The following ARHGAP23 variants were observed in gnomAD, a reference collection of about 807,000 sequenced individuals.
ARHGAP23 encodes Rho GTPase activating protein 23.
In ARHGAP23, 34 loss-of-function variants were observed where a neutral mutation model predicts 136.3. The ratio of observed to expected loss-of-function variants is 0.25; its 90% confidence interval spans 0.19 to 0.33. The LOEUF (loss-of-function observed/expected upper bound fraction) is 0.33. Among genes scored for constraint, ARHGAP23 ranks in the 10% least tolerant of loss-of-function variants. The pLI, the probability that ARHGAP23 is intolerant of heterozygous loss-of-function variation, is 1.00. For synonymous variants in ARHGAP23, 832 were observed against 920.5 expected, an observed-to-expected ratio of 0.90 and a Z score of 1.74; for missense variants, 1,808 against 2,139.0, an observed-to-expected ratio of 0.85 and a Z score of 3.05.
At chr17:38,506,573 G>T (rs985406521) in intron 23 of ARHGAP23, among the ~76,000 whole-genome samples, 8 of 152,302 alleles carry the variant, frequency 5.3e-5, no homozygotes, top group Admixed American at 2.0e-4. Flanking sequence ...TCTGGTGAGG[G>T]TTCCCTGCCT....
At chr17:38,482,493 C>T (rs981247980) in intron 15 of ARHGAP23, 30 bp from the exon 16 acceptor site, 132 of 1,517,820 alleles carry the variant, frequency 8.7e-5, no homozygotes, top group Non-Finnish European at 1.1e-4. Context: ...GGCCCCTGTC[C>T]CCCCTAACAC....
At chr17:38,445,400 C>T (rs1484079773) in intron 1 of ARHGAP23, among the ~76,000 whole-genome samples, 1 of 151,278 alleles carries the variant, frequency 6.6e-6, no homozygotes, top group South Asian at 2.1e-4. Flanking sequence ...TCGCTTGAAC[C>T]GGGGAGGCAG....
chr17:38,497,545 G>A (rs563346317), intron 20 of ARHGAP23, among the ~76,000 whole-genome samples: 5 of 152,318 alleles, frequency 3.3e-5, no homozygotes, highest in South Asian at 4.1e-4. Context: ...ACTCCCTGCC[G>A]TGTCTCCTCC....
chr17:38,463,160 A>G lies in ARHGAP23; in HGVS notation c.392A>G (p.Lys131Arg). ...GTGAATGGGGAAAGCGTCATTGGGA[A>G]GACCTACTCTCAGGTCATAGCTCTG... ...VKVNGESVIG[K>R]TYSQVIALIQ... Residue 131 changes from lysine (K) to arginine (R), a missense_variant, in exon 5 of 24, where the codon AAG (lysine) becomes AGG (arginine). Transcript: ENST00000622683. 6.4e-7 allele frequency: 1 copy of G among 1,551,552 alleles called. No homozygotes were observed. Among genetic ancestry groups the G allele is most frequent in the Non-Finnish European group, 8.7e-7 (1 of 1,146,936 alleles).
At chr17:38,484,311 G>A (rs1329769100) in intron 16 of ARHGAP23, among the ~76,000 whole-genome samples, 1 of 152,142 alleles carries the variant, frequency 6.6e-6, no homozygotes, top group South Asian at 2.1e-4. Context: ...AGAAACCAGG[G>A]AGTGGGGCAG....
At chr17:38,456,828 T>A (rs887955215) in intron 1 of ARHGAP23, among the ~76,000 whole-genome samples, 1 of 152,168 alleles carries the variant, frequency 6.6e-6, no homozygotes, top group East Asian at 1.9e-4. Flanking sequence ...ACTCTTGTCT[T>A]CAGATACCCT....
chr17:38,429,370 C>A (rs8081341), intron 1 of ARHGAP23, among the ~76,000 whole-genome samples: 82,260 of 152,132 alleles, frequency 0.54, 24,714 homozygotes, highest in African/African-American at 0.82. Flanking sequence ...CTGCAGGAGC[C>A]CCCCAGCAGG....
chr17:38,457,538 G>A lies in ARHGAP23; in HGVS notation c.64-564G>A, dbSNP rs144494500. 2.2e-3 allele frequency: 356 copies of A among 162,044 alleles called. 1 individual carries two copies. Among genetic ancestry groups the A allele is most frequent in the Non-Finnish European group, 3.8e-3 (278 of 73,420 alleles). 10.0% of individuals were successfully genotyped at this position (162,044 alleles called of 1,614,324 possible). ...TGTGCATATCTATGTGTCTACAAAAGTGTGCACATGTGTACTCATTTGTGT... is the reference window on the plus strand; with the variant it reads ...TGTGCATATCTATGTGTCTACAAAAATGTGCACATGTGTACTCATTTGTGT... On this transcript the variant is annotated intron_variant, in intron 1 of 23. Transcript: ENST00000622683.
At chr17:38,467,579 C>T (rs11657027) in intron 7 of ARHGAP23, among the ~76,000 whole-genome samples, 121,059 of 152,028 alleles carry the variant, frequency 0.8, 48,619 homozygotes, top group East Asian at 0.97. Context: ...CATCTTTCCA[C>T]GCACTCTTTC....
At position 38,460,886 on chromosome 17, in the gene ARHGAP23, A is replaced by C; in HGVS notation, c.226-19A>C. The C allele has an allele frequency of 6.5e-7, 1 of 1,535,594 alleles. No homozygotes were observed. Among genetic ancestry groups the C allele is most frequent in the Non-Finnish European group, 8.7e-7 (1 of 1,146,748 alleles). On this transcript the variant is annotated intron_variant, in intron 2 of 23. Transcript: ENST00000622683. The stretch of plus-strand genomic sequence containing the variant: ...GAGGGCTGGACTGACGCCCACACCC[A>C]CTCCTCTGTTCCCTGCAGGAGGAAG...
Position 38,462,966 on chromosome 17 carries a change from T to C in ARHGAP23, c.349+25T>C, listed in dbSNP as rs765125715. ...GGTGAGCTGGCCCAGTTACCTGGGC[T>C]CTACTTTCTACCTTCTGGCTAGGAT... On this transcript the variant is annotated intron_variant, in intron 4 of 23. Coordinates refer to ENST00000622683, the MANE Select transcript of ARHGAP23 (RefSeq NM_001199417.2). The C allele has an allele frequency of 4.6e-5, 71 of 1,543,052 alleles. No homozygotes were observed. The South Asian group carries it at 5.9e-4, about 13-fold the overall frequency.
intron 19 of ARHGAP23, 125 bp from the exon 20 acceptor site, chr17:38,491,282 G>C: frequency 3.9e-6 from 5 of 1,296,652 alleles, no homozygotes; most frequent in Non-Finnish European, 4.3e-6. Context: ...GCCCATACAA[G>C]GGGGTGTCCA....
chr17:38,482,708 G>C, intron 16 of ARHGAP23, 30 bp downstream of exon 16: 1 of 1,532,818 alleles, frequency 6.5e-7, no homozygotes, highest in Non-Finnish European at 8.8e-7. Flanking sequence ...CTGTGGAAGA[G>C]GGGCTGAGAT....
At chr17:38,444,157 G>T (rs1412706720) in intron 1 of ARHGAP23, among the ~76,000 whole-genome samples, 1 of 152,060 alleles carries the variant, frequency 6.6e-6, no homozygotes, top group African/African-American at 2.4e-5. Flanking sequence ...TGTAGGAGAT[G>T]GGGAGGGGAA....
At chr17:38,486,718 G>C (rs1288886338) in intron 17 of ARHGAP23, among the ~76,000 whole-genome samples, 1 of 152,162 alleles carries the variant, frequency 6.6e-6, no homozygotes, top group Non-Finnish European at 1.5e-5. Context: ...ACTCCATGAG[G>C]AAGGTGCTAT....
rs563680867 is a variant in ARHGAP23, at chr17:38,428,901, G to T, written c.63+353G>T. ...TTTGTTCGGGTTTTTCAGGCGGGGC[G>T]CCTGCCGCCGTTTCCTCTGCCCGAG... is the stretch of plus-strand genomic sequence containing the variant. On this transcript the variant is annotated intron_variant, in intron 1 of 23. Transcript: ENST00000622683. 1.3e-4 allele frequency among the ~76,000 whole-genome samples: 20 copies of T among 152,082 alleles called. No homozygotes were observed. The South Asian group carries it at 2.5e-3, about 19-fold the overall frequency.
chr17:38,464,987 G>C (rs1191032160), intron 6 of ARHGAP23, among the ~76,000 whole-genome samples: 2 of 152,036 alleles, frequency 1.3e-5, no homozygotes, highest in Non-Finnish European at 2.9e-5. Context: ...CCAGCCAGCC[G>C]AGAGAGAGTC....
chr17:38,440,668 G>A (rs2038900687), intron 1 of ARHGAP23, among the ~76,000 whole-genome samples: 2 of 152,232 alleles, frequency 1.3e-5, no homozygotes, highest in Admixed American at 1.3e-4. Flanking sequence ...TAGAATGAAA[G>A]AAAGAGGAAC....
In ARHGAP23 at chr17:38,458,283, G is replaced by T; in HGVS notation, c.225+20G>T. ...CTGAAGGTATGCCCGGCTCGCCGCT[G>T]CCCTGGTCTGGGGAAGCTTTCATGA... On this transcript the variant is annotated intron_variant, in intron 2 of 23. Transcript: ENST00000622683. The T allele has an allele frequency of 6.7e-7, 1 of 1,488,414 alleles. No homozygotes were observed. The highest frequency in any genetic ancestry group is 8.9e-7 in the Non-Finnish European group (1 of 1,120,984). 92.2% of individuals were successfully genotyped at this position (1,488,414 alleles called of 1,614,324 possible). A position where few individuals can be genotyped will look rare whatever the true frequency, so the allele number is the denominator to read the frequency against.
Sources: gnomAD v4.1 joint callset for allele counts (sites outside exome capture counted in the v4.1 genomes callset) on GRCh38, gnomAD v4.1.1 for gene constraint, MANE v1.5 for transcripts, NCBI Gene and HGNC (gene_info 2026-07-23, HGNC 2026-07-21) for gene names.